Variants in ZC3H7A observed in about 807,000 individuals in gnomAD.
The protein encoded by ZC3H7A is zinc finger CCCH-type containing 7A, also known as zinc finger CCCH domain-containing protein 7A.
Under a neutral mutation model 125.5 loss-of-function variants are expected in ZC3H7A, and 44 were observed. The observed-to-expected ratio is 0.35, with a 90% CI of 0.28 to 0.45. ZC3H7A has a LOEUF of 0.45. Ranked by LOEUF, ZC3H7A falls within the 20% of genes least tolerant of loss-of-function variation. ZC3H7A has a pLI of 1.00. For synonymous variants in ZC3H7A, 399 were observed against 391.2 expected, an observed-to-expected ratio of 1.02 and a Z score of -0.23; for missense variants, 977 against 1,170.7, an observed-to-expected ratio of 0.83 and a Z score of 2.41.
intron 1 of ZC3H7A, among the ~76,000 whole-genome samples, chr16:11,792,612 C>A (rs2053372044): frequency 6.6e-6 from 1 of 152,224 alleles, no homozygotes; most frequent in Admixed American, 6.5e-5. Flanking sequence ...GTTCTACATG[C>A]TTTATACGTA....
chr16:11,773,700 G>A (rs1159957041), intron 9 of ZC3H7A, among the ~76,000 whole-genome samples: 1 of 151,716 alleles, frequency 6.6e-6, no homozygotes, highest in South Asian at 2.1e-4. Context: ...GGCTAAGGCA[G>A]TGAAACCCCA....
chr16:11,790,547 A>G (rs1007788259), intron 1 of ZC3H7A, among the ~76,000 whole-genome samples: 1 of 151,960 alleles, frequency 6.6e-6, no homozygotes, highest in Non-Finnish European at 1.5e-5. Context: ...CGTCGTTATT[A>G]TTGTTGTTTG....
chr16:11,762,162 G>T, intron 17 of ZC3H7A, 119 bp from the exon 18 acceptor site: 1 of 988,350 alleles, frequency 1.0e-6, no homozygotes, highest in Non-Finnish European at 1.4e-6. Context: ...ATTTTTATCT[G>T]ACTTGATTTG....
chr16:11,758,590 G>A lies in ZC3H7A; in HGVS notation c.2320-51C>T, dbSNP rs763467275. 26 of 1,345,170 alleles carry A rather than the reference G, an allele frequency of 1.9e-5. 1 individual carries two copies. The highest frequency in any genetic ancestry group is 3.7e-4 in the Middle Eastern group (2 of 5,456). 83.3% of individuals were successfully genotyped at this position (1,345,170 alleles called of 1,614,324 possible). A position where few individuals can be genotyped will look rare whatever the true frequency, so the allele number is the denominator to read the frequency against. ...TAAGACAAAGTACACCTAGTAAAAC[G>A]GCCTAATTTTTACATTTAAGCAAAA... is the stretch of plus-strand genomic sequence containing the variant. On this transcript the variant is annotated intron_variant, in intron 19 of 22. Transcript: ENST00000355758.
At chr16:11,773,492 T>C (rs1315341758) in intron 9 of ZC3H7A, among the ~76,000 whole-genome samples, 1 of 151,932 alleles carries the variant, frequency 6.6e-6, no homozygotes, top group Non-Finnish European at 1.5e-5. Flanking sequence ...TTGCAAGCCA[T>C]ACAAAAACAG....
At position 11,767,873 on chromosome 16, in the gene ZC3H7A, CTG is replaced by C. The variant is rs1482092965; in HGVS notation, c.1361-297_1361-296del. Among the ~76,000 whole-genome samples, 3 of 152,202 alleles carry C rather than the reference CTG, an allele frequency of 2.0e-5. No homozygotes were observed. In the East Asian group the frequency reaches 5.8e-4, roughly 29 times the overall value. ...TTGATGGCTTATAAATCAGAATAAACTGTGTTTATGTCACTTGATTTAACGGT... is the reference window on the plus strand; with the variant it reads ...TTGATGGCTTATAAATCAGAATAAACTGTTTATGTCACTTGATTTAACGGT... On this transcript the variant is annotated intron_variant, in intron 12 of 22. Transcript: ENST00000355758.
At chr16:11,776,613 C>G in intron 5 of ZC3H7A, 81 bp from the exon 6 acceptor site, 1 of 1,497,692 alleles carries the variant, frequency 6.7e-7, no homozygotes, top group East Asian at 2.3e-5. Flanking sequence ...GGAAGTTTCC[C>G]ATCAAGACAC....
chr16:11,763,712 TATATATATA>T (rs2052795516), intron 15 of ZC3H7A, 53 bp from the exon 16 acceptor site: 1 of 1,716 alleles, frequency 5.8e-4, no homozygotes, highest in Non-Finnish European at 9.7e-4. Context: ...ATTTTTCAAA[TATATATATA>T]TATATATATA....
intron 16 of ZC3H7A, 98 bp downstream of exon 16, chr16:11,763,380 A>AT (rs2052786490): frequency 7.9e-7 from 1 of 1,271,866 alleles, no homozygotes; most frequent in South Asian, 1.6e-5. Context: ...AAGTAGTGGG[A>AT]TTACAGGCAT....
intron 20 of ZC3H7A, among the ~76,000 whole-genome samples, chr16:11,756,858 C>T (rs2052657604): frequency 6.6e-6 from 1 of 152,224 alleles, no homozygotes; most frequent in Admixed American, 6.5e-5. Context: ...GGGAGTCCAT[C>T]AGTCAAGCCA....
At chr16:11,753,657 G>C (rs941581973) in intron 21 of ZC3H7A, 1 of 151,936 alleles carries the variant, frequency 6.6e-6, no homozygotes, top group Non-Finnish European at 1.5e-5. Flanking sequence ...TTATTTATTT[G>C]TTTATTTTTG....
rs555976408 is a variant in ZC3H7A, at chr16:11,791,174, T to C, written c.-35+5950A>G. ...TGCTTAAGACCCTTCAGCAGTTGCT[T>C]GGGACGCTGGATGAAGCCTTGCCTC... On this transcript the variant is annotated intron_variant, in intron 1 of 22. Coordinates refer to ENST00000355758, the MANE Select transcript of ZC3H7A (RefSeq NM_014153.4). Among the ~76,000 whole-genome samples, 10 of 151,532 alleles carry C rather than the reference T, an allele frequency of 6.6e-5. No individual in the cohort carries two copies. The East Asian group carries it at 7.8e-4, about 12-fold the overall frequency.
chr16:11,761,338 T>C, intron 19 of ZC3H7A, 68 bp downstream of exon 19: 1 of 1,393,448 alleles, frequency 7.2e-7, no homozygotes, highest in East Asian at 2.3e-5. Context: ...TCAATCTGAA[T>C]TACTACTATT....
chr16:11,768,982 CT>C (rs1237347996), intron 11 of ZC3H7A, 48 bp downstream of exon 11: 1 of 1,536,382 alleles, frequency 6.5e-7, no homozygotes. Flanking sequence ...ACTTAAGTAA[CT>C]ATTTTCAATT....
intron 21 of ZC3H7A, among the ~76,000 whole-genome samples, chr16:11,754,291 C>CAAA (rs71136680): frequency 0.036 from 1,681 of 46,502 alleles, 115 homozygotes; most frequent in African/African-American, 0.14. Flanking sequence ...GACCCTGTCT[C>CAAA]AAAAAAAAAA....
intron 1 of ZC3H7A, among the ~76,000 whole-genome samples, chr16:11,786,372 C>A (rs1438470132): frequency 6.6e-6 from 1 of 152,166 alleles, no homozygotes; most frequent in African/African-American, 2.4e-5. Flanking sequence ...AATGATGTAC[C>A]TTTCTCTCAG....
At position 11,779,380 on chromosome 16, in the gene ZC3H7A, T is replaced by A. The variant is rs745640476; in HGVS notation, c.109-17A>T. The A allele has an allele frequency of 1.9e-5, 31 of 1,602,306 alleles. No individual in the cohort carries two copies. The highest frequency in any genetic ancestry group is 6.8e-5 in the African/African-American group (5 of 74,048). ...CAAATATACCTAAAAAAAAGAAAGTTACCACTTGAAGCCTTTTATCAAACA... is the reference window on the plus strand; with the variant it reads ...CAAATATACCTAAAAAAAAGAAAGTAACCACTTGAAGCCTTTTATCAAACA... On this transcript the variant is annotated splice_polypyrimidine_tract_variant and intron_variant, in intron 3 of 22. Coordinates refer to ENST00000355758, the MANE Select transcript of ZC3H7A (RefSeq NM_014153.4).
chr16:11,767,357 A>T, intron 13 of ZC3H7A, 60 bp downstream of exon 13: 1 of 1,269,002 alleles, frequency 7.9e-7, no homozygotes, highest in Non-Finnish European at 1.1e-6. Flanking sequence ...CATTAAGCTA[A>T]GCATGACTGT....
At chr16:11,796,986 ACC>A (rs971459248) in intron 1 of ZC3H7A, 136 bp downstream of exon 1, 1 of 138,040 alleles carries the variant, frequency 7.2e-6, no homozygotes, top group African/African-American at 2.6e-5. Context: ...CGGGCCCCGG[ACC>A]CCGCCGCCCC....
Sources: gnomAD v4.1 joint callset for allele counts (sites outside exome capture counted in the v4.1 genomes callset) on GRCh38, gnomAD v4.1.1 for gene constraint, MANE v1.5 for transcripts, NCBI Gene and HGNC (gene_info 2026-07-23, HGNC 2026-07-21) for gene names.